Variants in HSPG2 observed in about 807,000 individuals in gnomAD.
HSPG2 encodes the protein basement membrane-specific heparan sulfate proteoglycan core protein.
In HSPG2, 278 loss-of-function variants were observed where a neutral mutation model predicts 526.6. The observed-to-expected ratio is 0.53, with a 90% confidence interval of 0.48 to 0.58. The LOEUF is 0.58. Among genes scored for constraint, HSPG2 ranks in the 20% least tolerant of loss-of-function variants. The probability of loss-of-function intolerance (pLI) is 0.00; values close to 1 mark genes in which losing one functional copy is unlikely to be tolerated. For synonymous variants in HSPG2, 2,465 were observed against 2,555.4 expected (o/e 0.96, Z 1.07); for missense variants, 5,354 against 6,099.5 (o/e 0.88, Z 4.07).
intron 29 of HSPG2, 64 bp downstream of exon 29, chr1:21,873,861 T>A: frequency 7.1e-7 from 1 of 1,414,490 alleles, no homozygotes; most frequent in Non-Finnish European, 9.7e-7. Context: ...CGCTGGGCCC[T>A]GCCTGAGGAT....
chr1:21,842,709 GA>G, intron 67 of HSPG2, 60 bp downstream of exon 67: 1 of 1,606,064 alleles, frequency 6.2e-7, no homozygotes, highest in Non-Finnish European at 8.5e-7. Flanking sequence ...TTTGGGTACA[GA>G]AAGCAACTGC....
intron 21 of HSPG2, chr1:21,877,411 C>CCAT (rs1180917892): frequency 1.3e-5 from 2 of 152,776 alleles, no homozygotes; most frequent in Admixed American, 6.5e-5. Flanking sequence ...CTCAGCTTGC[C>CCAT]CATCCACTCT....
intron 87 of HSPG2, 104 bp from the exon 88 acceptor site, chr1:21,829,183 C>T: frequency 6.8e-7 from 1 of 1,464,198 alleles, no homozygotes; most frequent in Non-Finnish European, 9.1e-7. Flanking sequence ...GCCCTACAGC[C>T]TTCTGTATTC....
chr1:21,865,666 T>C lies in HSPG2; in HGVS notation c.4314+51A>G. ...AAAGGACAAATGCCGAGGGTGCCCC[T>C]GGCTTCCATCCTGCCCTTCTGCCCA... On this transcript the variant is annotated intron_variant, in intron 34 of 96. Transcript: ENST00000374695. This position sits in a 1 kb window ranked among gnomAD's most constrained non-coding sequence, Gnocchi z 5.4. 6.9e-7 allele frequency: 1 copy of C among 1,442,142 alleles called. No homozygotes were observed. The highest frequency in any genetic ancestry group is 1.7e-5 in the Admixed American group (1 of 59,828). 89.3% of individuals were successfully genotyped at this position (1,442,142 alleles called of 1,614,324 possible). A position where few individuals can be genotyped will look rare whatever the true frequency, so the allele number is the denominator to read the frequency against.
intron 13 of HSPG2, 50 bp from the exon 14 acceptor site, chr1:21,881,552 T>C (rs1209679303): frequency 1.3e-6 from 2 of 1,509,522 alleles, no homozygotes; most frequent in Non-Finnish European, 1.8e-6. Context: ...GCCTGCCTGA[T>C]ACACCCATCT....
At position 21,822,495 on chromosome 1, in the gene HSPG2, C is replaced by G; in HGVS notation, c.*821G>C. The G allele has an allele frequency of 2.9e-6, 1 of 342,542 alleles. No individual in the cohort carries two copies. The highest frequency in any genetic ancestry group is 5.7e-6 in the Non-Finnish European group (1 of 175,890). 21.2% of individuals were successfully genotyped at this position (342,542 alleles called of 1,614,324 possible). Reference sequence around the variant, plus strand: ...TTCCTGAGCACCAGCGGCATCCGTCCGTCCGTTGTCTGTTGGAGGAGTCCC... The same window carrying G: ...TTCCTGAGCACCAGCGGCATCCGTCGGTCCGTTGTCTGTTGGAGGAGTCCC... On this transcript the variant is annotated 3_prime_UTR_variant, in exon 97 of 97. Transcript: ENST00000374695.
At chr1:21,831,613 G>C in intron 82 of HSPG2, 39 bp downstream of exon 82, 1 of 1,613,214 alleles carries the variant, frequency 6.2e-7, no homozygotes, top group South Asian at 1.1e-5. Context: ...GCAAGGGCGG[G>C]ATGAGGGCTG....
chr1:21,901,239 G>A (rs1022515090), intron 1 of HSPG2, among the ~76,000 whole-genome samples: 1 of 152,044 alleles, frequency 6.6e-6, no homozygotes, highest in African/African-American at 2.4e-5. Context: ...GATCAAGCAG[G>A]TAAGGCACTT....
rs1410291970 is a variant in HSPG2, at chr1:21,893,579, G to C, written c.244+2343C>G. Among the ~76,000 whole-genome samples, 1 of 152,068 alleles carries C rather than the reference G, an allele frequency of 6.6e-6. No homozygotes were observed. The highest frequency in any genetic ancestry group is 1.5e-5 in the Non-Finnish European group (1 of 67,996). Reference sequence around the variant, plus strand: ...AGCGCTCCCACCTGGCCAGGGCCTGGGTCACTTACTGAGAGGGGACTCCTC... The same window carrying C: ...AGCGCTCCCACCTGGCCAGGGCCTGCGTCACTTACTGAGAGGGGACTCCTC... On this transcript the variant is annotated intron_variant, in intron 3 of 96. Transcript: ENST00000374695. The surrounding 1 kb of genome is among the most constrained non-coding windows in gnomAD (Gnocchi z 4.3).
intron 1 of HSPG2, among the ~76,000 whole-genome samples, chr1:21,906,470 A>G (rs968896496): frequency 2.6e-5 from 4 of 152,180 alleles, no homozygotes; most frequent in Admixed American, 2.6e-4. Flanking sequence ...CATCTGCTGT[A>G]AGGAAGAAGA....
chr1:21,875,154 C>T (rs1487499140), intron 25 of HSPG2, 152 bp from the exon 26 acceptor site: 8 of 682,278 alleles, frequency 1.2e-5, no homozygotes, highest in Non-Finnish European at 1.9e-5. Context: ...CTGCGAGGAC[C>T]GTGGCAAACA....
chr1:21,843,391 A>T lies in HSPG2; in HGVS notation c.8664T>A (p.Ser2888=), dbSNP rs769042484. ...LRLNQVSPAD[S]GEYSCQVTGS... Reference sequence around the variant, plus strand: ...CGGTCACTTGGCACGAGTACTCGCCAGAGTCAGCCGGGGACACCTGGTTCA... The same window carrying T: ...CGGTCACTTGGCACGAGTACTCGCCTGAGTCAGCCGGGGACACCTGGTTCA... Residue 2888 remains serine (S), a synonymous_variant, in exon 66 of 97, where the codon TCT becomes TCA. Coordinates refer to ENST00000374695, the MANE Select transcript of HSPG2 (RefSeq NM_005529.7). 6.2e-6 allele frequency: 10 copies of T among 1,613,898 alleles called. No individual in the cohort carries two copies. The South Asian group carries it at 1.1e-4, about 18-fold the overall frequency.
chr1:21,834,071 A>T, intron 77 of HSPG2, 146 bp from the exon 78 acceptor site: 1 of 728,476 alleles, frequency 1.4e-6, no homozygotes, highest in East Asian at 2.7e-5. Flanking sequence ...TATGGCTCAG[A>T]GGGGAAAAGC....
chr1:21,868,608 A>C (rs1358915750), intron 33 of HSPG2, among the ~76,000 whole-genome samples: 1 of 152,180 alleles, frequency 6.6e-6, no homozygotes, highest in East Asian at 1.9e-4. Context: ...AGGTCAAGGA[A>C]GCCCAGAGAA....
chr1:21,823,827 TC>T, intron 95 of HSPG2, 108 bp from the exon 96 acceptor site: 1 of 870,192 alleles, frequency 1.1e-6, no homozygotes, highest in East Asian at 2.6e-5. Flanking sequence ...CAGAAGTCTG[TC>T]CCTGTTTCCC....
chr1:21,937,033 G>T, intron 1 of HSPG2, 122 bp downstream of exon 1: 2 of 265,282 alleles, frequency 7.5e-6, no homozygotes, highest in Non-Finnish European at 1.2e-5. Flanking sequence ...GCCGTCCCGG[G>T]CCAGAGTCCC....
At chr1:21,853,491 C>T (rs1454533032) in intron 50 of HSPG2, 2 of 204,550 alleles carry the variant, frequency 9.8e-6, no homozygotes, top group East Asian at 2.6e-4. Context: ...TGCCTATAAT[C>T]CCAGCACTTT....
At chr1:21,933,770 T>C (rs1455683530) in intron 1 of HSPG2, among the ~76,000 whole-genome samples, 2 of 152,178 alleles carry the variant, frequency 1.3e-5, no homozygotes, top group Non-Finnish European at 2.9e-5. Flanking sequence ...CCTCCGGGAA[T>C]GTCCAGGGCA....
intron 19 of HSPG2, 31 bp from the exon 20 acceptor site, chr1:21,878,522 T>C (rs768887693): frequency 2.9e-5 from 47 of 1,613,704 alleles, no homozygotes; most frequent in Non-Finnish European, 3.6e-5. Context: ...CCATCAGCAC[T>C]TCCATGACCC....
Sources: gnomAD v4.1 joint callset for allele counts (sites outside exome capture counted in the v4.1 genomes callset) on GRCh38, gnomAD v4.1.1 for gene constraint, Gnocchi (gnomAD v3.1) non-coding constraint, MANE v1.5 for transcripts, NCBI Gene and HGNC (gene_info 2026-07-23, HGNC 2026-07-21) for gene names.